GRK5: variants seen among roughly 807,000 people sequenced by gnomAD.
GRK5 encodes the protein g protein-coupled receptor kinase GRK5.
In GRK5, 40 loss-of-function variants were observed where a neutral mutation model predicts 78.4. The ratio of observed to expected loss-of-function variants is 0.51; its 90% CI spans 0.40 to 0.66. GRK5 has a LOEUF of 0.66. GRK5 is among the 30% of genes least tolerant of loss of function. The pLI, the probability that GRK5 is intolerant of heterozygous loss-of-function variation, is 0.00. For missense variants in GRK5, 598 were observed against 759.9 expected, an observed-to-expected ratio of 0.79 and a Z score of 2.50; for synonymous variants, 289 against 296.8, an observed-to-expected ratio of 0.97 and a Z score of 0.27.
intron 2 of GRK5, among the ~76,000 whole-genome samples, chr10:119,357,494 G>A (rs913705366): frequency 2.0e-5 from 3 of 152,216 alleles, no homozygotes; most frequent in Admixed American, 6.5e-5. Context: ...ATCCTGGTGC[G>A]TGCCTTCCTG....
Position 119,347,311 on chromosome 10 carries a change from TTGTA to T in GRK5, c.148+20704_148+20707del, listed in dbSNP as rs1251470239. ...TGCATGTGTGTGTATACATGCAAGT[TTGTA>T]TGTGTCCGTATATTTGTGAGTGTGC... On this transcript the variant is annotated intron_variant, in intron 2 of 15. Coordinates refer to ENST00000392870, the MANE Select transcript of GRK5 (RefSeq NM_005308.3). Among the ~76,000 whole-genome samples, 3 of 151,686 alleles carry T rather than the reference TTGTA, an allele frequency of 2.0e-5. No individual in the cohort carries two copies. The Middle Eastern group carries it at 0.01, about 519-fold the overall frequency.
At chr10:119,375,275 C>A (rs764777593) in intron 2 of GRK5, among the ~76,000 whole-genome samples, 10 of 152,212 alleles carry the variant, frequency 6.6e-5, no homozygotes, top group Non-Finnish European at 1.2e-4. Context: ...CACCTCCCCA[C>A]TGTAGCTTCT....
At chr10:119,303,868 C>T (rs1394810552) in intron 1 of GRK5, among the ~76,000 whole-genome samples, 1 of 151,984 alleles carries the variant, frequency 6.6e-6, no homozygotes, top group Non-Finnish European at 1.5e-5. Context: ...GGACCCCAGC[C>T]GTCCCTTGGG....
chr10:119,307,864 A>G (rs557504287), intron 1 of GRK5, among the ~76,000 whole-genome samples: 1 of 152,060 alleles, frequency 6.6e-6, no homozygotes, highest in East Asian at 1.9e-4. Flanking sequence ...CCATTTCACA[A>G]TTCAAGAAGC....
intron 1 of GRK5, among the ~76,000 whole-genome samples, chr10:119,322,802 AG>A (rs763648433): frequency 6.6e-5 from 10 of 152,208 alleles, no homozygotes; most frequent in African/African-American, 9.7e-5. Context: ...TTCCCTCCTG[AG>A]TATATACCCA....
chr10:119,254,651 A>G (rs895999775), intron 1 of GRK5, among the ~76,000 whole-genome samples: 7 of 152,172 alleles, frequency 4.6e-5, no homozygotes, highest in African/African-American at 1.7e-4. Context: ...CAGCCCAGCA[A>G]TCTGAGTGTG....
chr10:119,438,979 G>C (rs1852979569), intron 9 of GRK5, among the ~76,000 whole-genome samples: 2 of 152,256 alleles, frequency 1.3e-5, no homozygotes, highest in Admixed American at 1.3e-4. Context: ...TTGAGAACTG[G>C]AGCCTCCATC....
At chr10:119,292,994 C>G (rs1850011747) in intron 1 of GRK5, among the ~76,000 whole-genome samples, 3 of 152,146 alleles carry the variant, frequency 2.0e-5, no homozygotes, top group Non-Finnish European at 4.4e-5. Context: ...ACTTCAAGCT[C>G]TGGGCCAGGC....
At chr10:119,222,530 TACGGTTCCC>T (rs1426027655) in intron 1 of GRK5, among the ~76,000 whole-genome samples, 1 of 152,140 alleles carries the variant, frequency 6.6e-6, no homozygotes, top group Admixed American at 6.5e-5. Context: ...ACAAGGGCCC[TACGGTTCCC>T]ACCTGAGAAT....
chr10:119,224,210 C>T (rs1157899187), intron 1 of GRK5, among the ~76,000 whole-genome samples: 2 of 152,090 alleles, frequency 1.3e-5, no homozygotes, highest in African/African-American at 2.4e-5. Flanking sequence ...GAACCCTGCC[C>T]TCCAGATTCC....
At chr10:119,344,913 C>CCTTCCTTCCTT (rs1851057497) in intron 2 of GRK5, among the ~76,000 whole-genome samples, 1 of 143,262 alleles carries the variant, frequency 7.0e-6, no homozygotes, top group Non-Finnish European at 1.5e-5. Context: ...TTCCTTCCTT[C>CCTTCCTTCCTT]CTTCCTTCCT....
intron 1 of GRK5, among the ~76,000 whole-genome samples, chr10:119,314,117 T>C (rs1186715579): frequency 1.3e-5 from 2 of 152,226 alleles, no homozygotes; most frequent in Non-Finnish European, 2.9e-5. Flanking sequence ...ACAGAGCCAC[T>C]GGGAGGGCTG....
intron 2 of GRK5, among the ~76,000 whole-genome samples, chr10:119,361,834 A>C (rs1204988952): frequency 6.6e-6 from 1 of 151,850 alleles, no homozygotes; most frequent in Non-Finnish European, 1.5e-5. Flanking sequence ...AGTGGCGTGC[A>C]CCTGTAATTA....
Position 119,281,284 on chromosome 10 carries a change from T to A in GRK5, c.53-45232T>A, listed in dbSNP as rs1278075690. On this transcript the variant is annotated intron_variant, in intron 1 of 15. Coordinates refer to ENST00000392870, the MANE Select transcript of GRK5 (RefSeq NM_005308.3). The stretch of plus-strand genomic sequence containing the variant: ...CTCTGCACATGCTGCCTTCACTGCC[T>A]CCTTGGGAAAAAATTGCTCCTCCCG... Among the ~76,000 whole-genome samples, 3 of 151,870 alleles carry A rather than the reference T, an allele frequency of 2.0e-5. No homozygotes were observed. In the East Asian group the frequency reaches 5.8e-4, roughly 29 times the overall value.
chr10:119,265,888 C>G (rs141675216), intron 1 of GRK5, among the ~76,000 whole-genome samples: 15 of 152,310 alleles, frequency 9.8e-5, no homozygotes, highest in African/African-American at 3.6e-4. Flanking sequence ...AGGAGTGGGT[C>G]CCTGCCTGGG....
intron 4 of GRK5, among the ~76,000 whole-genome samples, chr10:119,408,557 A>C (rs1454247571): frequency 6.6e-6 from 1 of 152,180 alleles, no homozygotes; most frequent in East Asian, 1.9e-4. Context: ...ATGTGGATGA[A>C]CCTTGAAAAC....
In GRK5 at chr10:119,430,539, G is replaced by T; in HGVS notation, c.597+101G>T. The T allele has an allele frequency of 3.8e-6, 4 of 1,057,648 alleles. No homozygotes were observed. Among genetic ancestry groups the T allele is most frequent in the Non-Finnish European group, 5.6e-6 (4 of 713,396 alleles). The allele number at this position is 1,057,648 out of a possible 1,614,324, so 65.5% of individuals were successfully genotyped here. ...AAAGGGTTGGCCCACGGGTCCCCCGGGGGCACCAGTGGCTCAATGTGGGCC... is the reference window on the plus strand; with the variant it reads ...AAAGGGTTGGCCCACGGGTCCCCCGTGGGCACCAGTGGCTCAATGTGGGCC... On this transcript the variant is annotated intron_variant, in intron 7 of 15. Transcript: ENST00000392870. This position sits in a 1 kb window ranked among gnomAD's most constrained non-coding sequence, Gnocchi z 4.5.
rs759070694 is a variant in GRK5, at chr10:119,453,133, C to T, written c.1543-12C>T. On this transcript the variant is annotated splice_polypyrimidine_tract_variant and intron_variant, in intron 14 of 15. Transcript: ENST00000392870. ...GTTGACGGCCTGTGTTTTGTTTTCA[C>T]GGCCCCTCCAGATGATAGAAACAGA... 33 of 1,492,318 alleles carry T rather than the reference C, an allele frequency of 2.2e-5. No homozygotes were observed. Among genetic ancestry groups the T allele is most frequent in the African/African-American group, 4.1e-5 (3 of 72,574 alleles). The allele number at this position is 1,492,318 out of a possible 1,614,324, so 92.4% of individuals were successfully genotyped here. A position where few individuals can be genotyped will look rare whatever the true frequency, so the allele number is the denominator to read the frequency against.
intron 9 of GRK5, among the ~76,000 whole-genome samples, chr10:119,439,106 C>A (rs1000597648): frequency 6.6e-6 from 1 of 152,246 alleles, no homozygotes; most frequent in Non-Finnish European, 1.5e-5. Context: ...TCTGCTGGCT[C>A]TCCCCTCATC....
Sources: gnomAD v4.1 joint callset for allele counts (sites outside exome capture counted in the v4.1 genomes callset) on GRCh38, gnomAD v4.1.1 for gene constraint, Gnocchi (gnomAD v3.1) non-coding constraint, MANE v1.5 for transcripts, NCBI Gene and HGNC (gene_info 2026-07-23, HGNC 2026-07-21) for gene names.